SAMD10: variants seen among roughly 807,000 people sequenced by gnomAD.
SAMD10 encodes the protein sterile alpha motif domain containing 10, also known as sterile alpha motif domain-containing protein 10.
A neutral mutation model predicts 22.5 loss-of-function variants in SAMD10; 16 were observed. That is an observed-to-expected ratio of 0.71 (90% confidence interval 0.48 to 1.08). The LOEUF (loss-of-function observed/expected upper bound fraction) is 1.08, where lower values mean the gene tolerates loss of function less well. Among genes scored for constraint, SAMD10 ranks in the 50% least tolerant of loss-of-function variants. The pLI is 0.00. For missense variants in SAMD10, 227 were observed against 281.3 expected, an observed-to-expected ratio of 0.81 and a Z score of 1.38; for synonymous variants, 118 against 122.2, an observed-to-expected ratio of 0.97 and a Z score of 0.23.
rs772213080 is a variant in SAMD10, at chr20:63,979,498, G to A, written c.-31C>T. 8.0e-7 allele frequency: 1 copy of A among 1,249,904 alleles called. No homozygotes were observed. 77.4% of individuals were successfully genotyped at this position (1,249,904 alleles called of 1,614,324 possible). A position where few individuals can be genotyped will look rare whatever the true frequency, so the allele number is the denominator to read the frequency against. Reference sequence around the variant, plus strand: ...CCGCGGGTGCCAGGCCCGCGCACACGCCCCTCGCCGAGTGCAGGGCGGCCG... The same window carrying A: ...CCGCGGGTGCCAGGCCCGCGCACACACCCCTCGCCGAGTGCAGGGCGGCCG... On this transcript the variant is annotated 5_prime_UTR_variant, in exon 1 of 5. Transcript: ENST00000369886. This position sits in a 1 kb window ranked among gnomAD's most constrained non-coding sequence, Gnocchi z 7.7.
At position 63,975,098 on chromosome 20, in the gene SAMD10, G is replaced by A. The variant is rs921188819; in HGVS notation, c.*412C>T. 1 of 253,682 alleles carries A rather than the reference G, an allele frequency of 3.9e-6. No homozygotes were observed. The highest frequency in any genetic ancestry group is 2.4e-5 in the African/African-American group (1 of 42,352). 15.7% of individuals were successfully genotyped at this position (253,682 alleles called of 1,614,324 possible). A position where few individuals can be genotyped will look rare whatever the true frequency, so the allele number is the denominator to read the frequency against. On this transcript the variant is annotated 3_prime_UTR_variant, in exon 5 of 5. Transcript: ENST00000369886. Reference sequence around the variant, plus strand: ...GGGGAACGACCTAGAACTGGGCTGGGTGGGTGGACAGACAAGTGACTCAGC... The same window carrying A: ...GGGGAACGACCTAGAACTGGGCTGGATGGGTGGACAGACAAGTGACTCAGC...
In SAMD10 at chr20:63,975,411, C is replaced by T. The variant is rs1437439908; in HGVS notation, c.*99G>A. The T allele has an allele frequency of 8.7e-6, 13 of 1,490,476 alleles. No homozygotes were observed. Among genetic ancestry groups the T allele is most frequent in the South Asian group, 5.8e-5 (5 of 85,936 alleles). 92.3% of individuals were successfully genotyped at this position (1,490,476 alleles called of 1,614,324 possible). On this transcript the variant is annotated 3_prime_UTR_variant, in exon 5 of 5. Transcript: ENST00000369886. ...GGGCCAGCCTGGCCGCCCCGGCATC[C>T]CGCAGGGTCCAAGAGGCGCTGCGGG...
intron 3 of SAMD10, 151 bp from the exon 4 acceptor site, chr20:63,975,983 G>A (rs2059019693): frequency 1.2e-5 from 9 of 775,268 alleles, no homozygotes; most frequent in South Asian, 2.2e-5. Context: ...GACCAGCCTG[G>A]ACAACATGGT....
chr20:63,979,979 A>G (rs1422164565), upstream of SAMD10: 1 of 152,220 alleles, frequency 6.6e-6, no homozygotes, highest in African/African-American at 2.4e-5. The surrounding 1 kb of genome is among the most constrained non-coding windows in gnomAD (Gnocchi z 7.7). Flanking sequence ...CTTACCGCCC[A>G]CCCCACTGTG....
intron 3 of SAMD10, among the ~76,000 whole-genome samples, chr20:63,976,734 C>G (rs372894540): frequency 1.5e-3 from 199 of 135,030 alleles, no homozygotes; most frequent in African/African-American, 5.6e-3. Flanking sequence ...TTCACTCAGC[C>G]TGGGCAACAG....
At chr20:63,975,854 T>C (rs781236528) in intron 3 of SAMD10, 22 bp from the exon 4 acceptor site, 3 of 1,569,120 alleles carry the variant, frequency 1.9e-6, no homozygotes, top group Non-Finnish European at 8.6e-7. Flanking sequence ...AAAGAGGGGC[T>C]GAGCTGAGGC....
chr20:63,978,435 G>T, intron 1 of SAMD10: 1 of 531,882 alleles, frequency 1.9e-6, no homozygotes, highest in Non-Finnish European at 3.2e-6. Context: ...CCTTCAGCAG[G>T]GCAGGTGAGG....
rs1284951549 is a variant in SAMD10 at position 63,974,158 on chromosome 20, A to G, written c.*1352T>C. ...ATTTCTGATTTTTTTTTTTTGTCAG[A>G]GTATAAAAAAGTGAGTGCAGCAAAA... On this transcript the variant is annotated 3_prime_UTR_variant, in exon 5 of 5. Coordinates refer to ENST00000369886, the MANE Select transcript of SAMD10 (RefSeq NM_080621.5). 6.6e-6 allele frequency: 1 copy of G among 151,306 alleles called. No homozygotes were observed. Among genetic ancestry groups the G allele is most frequent in the Non-Finnish European group, 1.5e-5 (1 of 67,818 alleles). 9.4% of individuals were successfully genotyped at this position (151,306 alleles called of 1,614,324 possible).
At position 63,975,776 on chromosome 20, in the gene SAMD10, C is replaced by T; in HGVS notation, c.502G>A (p.Glu168Lys). The T allele has an allele frequency of 6.2e-7, 1 of 1,604,240 alleles. No individual in the cohort carries two copies. Among genetic ancestry groups the T allele is most frequent in the Non-Finnish European group, 8.5e-7 (1 of 1,179,192 alleles). The change falls in exon 4 of 5, where the codon GAG becomes AAG. Residue 168 changes from glutamate to lysine, a missense_variant. Glu to Lys is a moderately conservative substitution (Grantham distance 56). Coordinates refer to ENST00000369886, the MANE Select transcript of SAMD10 (RefSeq NM_080621.5). ...TGCAGCACCTCCTGCCTCTGGGCCT[C>T]CTGGGCCAGCCCCATCCGCTGCAGC... ...EKLQRMGLAQ[E>K]AQRQEVLQQV... is the part of the protein sequence containing the mutation.
At position 63,979,518 on chromosome 20, in the gene SAMD10, C is replaced by T; in HGVS notation, c.-51G>A. On this transcript the variant is annotated 5_prime_UTR_variant, in exon 1 of 5. Transcript: ENST00000369886. This position sits in a 1 kb window ranked among gnomAD's most constrained non-coding sequence, Gnocchi z 7.7. ...CACACGCCCCTCGCCGAGTGCAGGGCGGCCGGTGTGGCCGGCGGGGAACGC... is the reference window on the plus strand; with the variant it reads ...CACACGCCCCTCGCCGAGTGCAGGGTGGCCGGTGTGGCCGGCGGGGAACGC... The T allele has an allele frequency of 3.5e-6, 4 of 1,126,908 alleles. No homozygotes were observed. The South Asian group carries it at 1.7e-4, about 48-fold the overall frequency. 69.8% of individuals were successfully genotyped at this position (1,126,908 alleles called of 1,614,324 possible). A position where few individuals can be genotyped will look rare whatever the true frequency, so the allele number is the denominator to read the frequency against.
At chr20:63,976,018 T>G (rs1189151149) in intron 3 of SAMD10, among the ~76,000 whole-genome samples, 186 bp from the exon 4 acceptor site, 2 of 152,066 alleles carry the variant, frequency 1.3e-5, no homozygotes, top group Admixed American at 6.6e-5. Context: ...ACTAAAAGTA[T>G]AAAAATTAGC....
chr20:63,976,174 GAAAC>G (rs753683743), intron 3 of SAMD10, among the ~76,000 whole-genome samples: 15 of 139,362 alleles, frequency 1.1e-4, no homozygotes, highest in South Asian at 7.0e-4. Context: ...CTCCTTCTCA[GAAAC>G]AAACAAACAA....
At chr20:63,979,835 A>C, upstream of SAMD10, 1 of 268,760 alleles carries the variant, frequency 3.7e-6, no homozygotes, top group Non-Finnish European at 5.7e-6. This position sits in a 1 kb window ranked among gnomAD's most constrained non-coding sequence, Gnocchi z 7.7. Context: ...GGGGCATCTC[A>C]CAGGGGTCTT....
rs773710039 is a variant in SAMD10 at position 63,976,920 on chromosome 20, G to A, written c.445+51C>T. On this transcript the variant is annotated intron_variant, in intron 3 of 4. Coordinates refer to ENST00000369886, the MANE Select transcript of SAMD10 (RefSeq NM_080621.5). ...GGCAGGCTGAGTGTGGGGAAGAGAC[G>A]CTCTGAGGCAGGTTAGCCCCACTCC... The A allele has an allele frequency of 1.9e-5, 30 of 1,582,656 alleles. 1 individual carries two copies. Among genetic ancestry groups the A allele is most frequent in the South Asian group, 1.3e-4 (12 of 90,014 alleles).
upstream of SAMD10, chr20:63,979,693 C>A (rs2059051287): frequency 2.0e-6 from 2 of 985,102 alleles, no homozygotes; most frequent in Non-Finnish European, 2.4e-6. The surrounding 1 kb of genome is among the most constrained non-coding windows in gnomAD (Gnocchi z 7.7). Flanking sequence ...CGCGGGCCTG[C>A]GTGCACCAAG....
Position 63,974,121 on chromosome 20 carries a change from G to A in SAMD10, c.*1389C>T, listed in dbSNP as rs1158450084. On this transcript the variant is annotated 3_prime_UTR_variant, in exon 5 of 5. Transcript: ENST00000369886. ...GCAGACCCAGCACCGCCAGCACTTG[G>A]GAACCAGCTTTATTTCTGATTTTTT... The A allele has an allele frequency of 1.3e-5, 2 of 152,290 alleles. No homozygotes were observed. Among genetic ancestry groups the A allele is most frequent in the African/African-American group, 4.8e-5 (2 of 41,456 alleles). The allele number at this position is 152,290 out of a possible 1,614,324, so 9.4% of individuals were successfully genotyped here. A position where few individuals can be genotyped will look rare whatever the true frequency, so the allele number is the denominator to read the frequency against.
Position 63,974,637 on chromosome 20 carries a change from G to C in SAMD10, c.*873C>G, listed in dbSNP as rs988426125. 6.6e-6 allele frequency: 1 copy of C among 152,402 alleles called. No homozygotes were observed. The highest frequency in any genetic ancestry group is 6.5e-5 in the Admixed American group (1 of 15,288). The allele number at this position is 152,402 out of a possible 1,614,324, so 9.4% of individuals were successfully genotyped here. ...GTGTAAGGGGAGTGGCCCTGGGAAG[G>C]CCTCTCCCCTGAATCCAGGCCTTCT... On this transcript the variant is annotated 3_prime_UTR_variant, in exon 5 of 5. Coordinates refer to ENST00000369886, the MANE Select transcript of SAMD10 (RefSeq NM_080621.5).
intron 3 of SAMD10, 147 bp downstream of exon 3, chr20:63,976,824 C>CGGAGAT (rs2059026424): frequency 3.6e-6 from 2 of 548,080 alleles, no homozygotes; most frequent in Non-Finnish European, 6.4e-6. Flanking sequence ...ACAGATTCTG[C>CGGAGAT]GGAGATGAAG....
chr20:63,975,466 C>A lies in SAMD10; in HGVS notation c.*44G>T. The A allele has an allele frequency of 6.2e-7, 1 of 1,610,822 alleles. No individual in the cohort carries two copies. Among genetic ancestry groups the A allele is most frequent in the Non-Finnish European group, 8.5e-7 (1 of 1,178,140 alleles). ...GCTTGGCCTCCTCCCTAGCCGTGGA[C>A]TCCCATCACAGTGCTGGGGTCTGGG... On this transcript the variant is annotated 3_prime_UTR_variant, in exon 5 of 5. Coordinates refer to ENST00000369886, the MANE Select transcript of SAMD10 (RefSeq NM_080621.5).
Sources: gnomAD v4.1 joint callset for allele counts (sites outside exome capture counted in the v4.1 genomes callset) on GRCh38, gnomAD v4.1.1 for gene constraint, Gnocchi (gnomAD v3.1) non-coding constraint, MANE v1.5 for transcripts, NCBI Gene and HGNC (gene_info 2026-07-23, HGNC 2026-07-21) for gene names.